Variants in LHFPL2 observed in about 807,000 individuals in gnomAD.
LHFPL2 encodes the protein LHFPL tetraspan subfamily member 2.
LHFPL2 carries 7 observed loss-of-function variants against 17.5 expected under a neutral mutation model. The observed-to-expected ratio is 0.40, with a 90% CI of 0.23 to 0.75. The LOEUF (loss-of-function observed/expected upper bound fraction) is 0.75. LHFPL2 is among the 30% of genes least tolerant of loss of function. LHFPL2 has a pLI of 0.37. For synonymous variants in LHFPL2, 134 were observed against 116.2 expected (o/e 1.15, Z -0.99); for missense variants, 241 against 294.8 (o/e 0.82, Z 1.34).
intron 4 of LHFPL2, among the ~76,000 whole-genome samples, chr5:78,495,357 G>A (rs893005537): frequency 6.6e-6 from 1 of 152,146 alleles, no homozygotes; most frequent in Non-Finnish European, 1.5e-5. Context: ...GGGACTCAAG[G>A]TTTCTTGTCT....
At chr5:78,587,679 A>G (rs1743468324) in intron 2 of LHFPL2, among the ~76,000 whole-genome samples, 1 of 152,258 alleles carries the variant, frequency 6.6e-6, no homozygotes, top group Non-Finnish European at 1.5e-5. Context: ...AAAACACCAC[A>G]TAATCCTAAG....
intron 2 of LHFPL2, among the ~76,000 whole-genome samples, chr5:78,623,230 C>G (rs1561369992): frequency 6.6e-6 from 1 of 152,070 alleles, no homozygotes; most frequent in Non-Finnish European, 1.5e-5. Context: ...GGAAGAAAAC[C>G]ACGAATATGA....
chr5:78,646,083 G>A lies in LHFPL2; in HGVS notation c.-350+2416C>T, dbSNP rs1745868909. On this transcript the variant is annotated intron_variant, in intron 1 of 4. Coordinates refer to ENST00000380345, the MANE Select transcript of LHFPL2 (RefSeq NM_005779.3). The stretch of plus-strand genomic sequence containing the variant: ...TTCACTTTGGTGGGACCTAATACCT[G>A]AAGCTGCCATTGCAACAGGACATGT... Among the ~76,000 whole-genome samples, 3 of 152,178 alleles carry A rather than the reference G, an allele frequency of 2.0e-5. No individual in the cohort carries two copies. In the South Asian group the frequency reaches 6.2e-4, roughly 31 times the overall value.
At chr5:78,576,185 C>G (rs915648800) in intron 2 of LHFPL2, among the ~76,000 whole-genome samples, 2 of 152,096 alleles carry the variant, frequency 1.3e-5, no homozygotes, top group African/African-American at 4.8e-5. Context: ...GTCCCAGCTA[C>G]TCCGGAGGCT....
At chr5:78,504,014 T>C (rs1190536898) in intron 4 of LHFPL2, among the ~76,000 whole-genome samples, 2 of 152,142 alleles carry the variant, frequency 1.3e-5, no homozygotes, top group African/African-American at 4.8e-5. Context: ...ATAACATGTC[T>C]GCATTTTTTT....
rs375203485 is a variant in LHFPL2 at position 78,489,078 on chromosome 5, T to A, written c.506A>T (p.His169Leu). The change falls in exon 5 of 5, where the codon CAT (histidine) becomes CTT (leucine). Residue 169 changes from histidine (H) to leucine (L), a missense_variant. By Grantham distance (99) the His-to-Leu change is moderately conservative. Transcript: ENST00000380345. ...TCCAGGTTTGTAGGCAGATGCATAATGTCCACAGTAGTCTATGGCCTTCTG... is the reference window on the plus strand; with the variant it reads ...TCCAGGTTTGTAGGCAGATGCATAAAGTCCACAGTAGTCTATGGCCTTCTG... ...GCQKAIDYCG[H>L]YASAYKPGDC... is the part of the protein sequence containing the mutation. The A allele has an allele frequency of 6.2e-7, 1 of 1,614,190 alleles. No homozygotes were observed. Among genetic ancestry groups the A allele is most frequent in the South Asian group, 1.1e-5 (1 of 91,088 alleles).
intron 3 of LHFPL2, among the ~76,000 whole-genome samples, chr5:78,561,813 G>A (rs749694541): frequency 5.9e-5 from 9 of 152,182 alleles, no homozygotes; most frequent in African/African-American, 1.9e-4. Context: ...TCATTTGCTC[G>A]AGGACATTCA....
At chr5:78,557,246 AG>A (rs1327175054) in intron 3 of LHFPL2, among the ~76,000 whole-genome samples, 4 of 152,212 alleles carry the variant, frequency 2.6e-5, no homozygotes, top group Non-Finnish European at 4.4e-5. Flanking sequence ...TATAGCTTCT[AG>A]GGGTTTGCCC....
chr5:78,524,098 A>G (rs1561320971), intron 3 of LHFPL2, among the ~76,000 whole-genome samples: 1 of 152,218 alleles, frequency 6.6e-6, no homozygotes, highest in Non-Finnish European at 1.5e-5. Flanking sequence ...ACTAGAACAC[A>G]GAAACAGAAG....
At chr5:78,603,036 G>A (rs954762470) in intron 2 of LHFPL2, among the ~76,000 whole-genome samples, 5 of 152,048 alleles carry the variant, frequency 3.3e-5, no homozygotes, top group African/African-American at 7.2e-5. Flanking sequence ...GACTACAGGC[G>A]CGTGCCACCA....
chr5:78,535,482 G>A (rs959996716), intron 3 of LHFPL2, among the ~76,000 whole-genome samples: 3 of 152,100 alleles, frequency 2.0e-5, no homozygotes, highest in Non-Finnish European at 4.4e-5. Flanking sequence ...GAGCAAAGAC[G>A]ACCTAGGACC....
chr5:78,512,804 A>C, intron 3 of LHFPL2, among the ~76,000 whole-genome samples: 1 of 141,456 alleles, frequency 7.1e-6, no homozygotes. Flanking sequence ...TCACTGTGTC[A>C]CCCAGGCTGG....
intron 3 of LHFPL2, among the ~76,000 whole-genome samples, chr5:78,521,225 C>T (rs1045594953): frequency 9.2e-5 from 14 of 152,174 alleles, no homozygotes; most frequent in Admixed American, 5.9e-4. Flanking sequence ...ATAAAATTAA[C>T]GTGTGCTATT....
At chr5:78,607,989 T>C (rs1262415806) in intron 2 of LHFPL2, among the ~76,000 whole-genome samples, 1 of 152,182 alleles carries the variant, frequency 6.6e-6, no homozygotes, top group Non-Finnish European at 1.5e-5. Context: ...TACCATTAGA[T>C]GAACTCAAGA....
intron 4 of LHFPL2, chr5:78,491,229 G>C (rs200702581): frequency 6.6e-5 from 8 of 121,226 alleles, no homozygotes; most frequent in Non-Finnish European, 1.4e-4. Flanking sequence ...GTGGAGTAGA[G>C]GGAATCAATT....
intron 2 of LHFPL2, among the ~76,000 whole-genome samples, chr5:78,569,646 C>G (rs1756944797): frequency 6.6e-6 from 1 of 152,140 alleles, no homozygotes; most frequent in African/African-American, 2.4e-5. Context: ...GTTTCATGAA[C>G]CGTCTACCAA....
chr5:78,530,758 C>T (rs1262421086), intron 3 of LHFPL2, among the ~76,000 whole-genome samples: 1 of 152,184 alleles, frequency 6.6e-6, no homozygotes, highest in East Asian at 1.9e-4. Flanking sequence ...ATTCCATATG[C>T]AAATATGAAG....
At chr5:78,508,497 C>A (rs1211613962) in intron 4 of LHFPL2, among the ~76,000 whole-genome samples, 1 of 152,116 alleles carries the variant, frequency 6.6e-6, no homozygotes, top group African/African-American at 2.4e-5. Context: ...ACTCCCCATC[C>A]CCCACCTCCA....
intron 1 of LHFPL2, among the ~76,000 whole-genome samples, chr5:78,633,505 G>C (rs111782489): frequency 1.6e-4 from 25 of 152,354 alleles, no homozygotes; most frequent in African/African-American, 5.5e-4. Context: ...CCCACATTCA[G>C]TGTTTTCACA....
Sources: gnomAD v4.1 joint callset for allele counts (sites outside exome capture counted in the v4.1 genomes callset) on GRCh38, gnomAD v4.1.1 for gene constraint, MANE v1.5 for transcripts, NCBI Gene and HGNC (gene_info 2026-07-23, HGNC 2026-07-21) for gene names.